The following ZFHX3 variants were observed in gnomAD, a reference collection of about 807,000 sequenced individuals.
ZFHX3 encodes zinc finger homeobox protein 3.
A neutral mutation model predicts 279.1 loss-of-function variants in ZFHX3; 42 were observed. The observed-to-expected ratio is 0.15, with a 90% CI of 0.12 to 0.19. The LOEUF (loss-of-function observed/expected upper bound fraction) is 0.19. Among genes scored for constraint, ZFHX3 ranks in the 10% least tolerant of loss-of-function variants. ZFHX3 has a pLI of 1.00. For missense variants in ZFHX3, 4,981 were observed against 4,754.0 expected (o/e 1.05, Z -1.40); for synonymous variants, 2,293 against 1,957.8 (o/e 1.17, Z -4.52).
chr16:72,784,789 A>T lies in ZFHX3; in HGVS notation c.*2375T>A, dbSNP rs1339290080. 1 of 152,540 alleles carries T rather than the reference A, an allele frequency of 6.6e-6. No individual in the cohort carries two copies. Among genetic ancestry groups the T allele is most frequent in the African/African-American group, 2.4e-5 (1 of 41,448 alleles). The allele number at this position is 152,540 out of a possible 1,614,324, so 9.4% of individuals were successfully genotyped here. ...ATTCTTTCTTTAGTATTTCTACTTA[A>T]AAAAAACAATTAAAAAAGGAATTTG... is the stretch of plus-strand genomic sequence containing the variant. On this transcript the variant is annotated 3_prime_UTR_variant, in exon 10 of 10. Transcript: ENST00000268489.
intron 2 of ZFHX3, chr16:73,499,760 T>TA (rs2019202749): frequency 6.6e-6 from 1 of 152,128 alleles, no homozygotes; most frequent in African/African-American, 2.4e-5. Flanking sequence ...TTTGTCTTTT[T>TA]AAAAATATAG....
chr16:73,507,488 T>A (rs2019348059), intron 2 of ZFHX3, among the ~76,000 whole-genome samples: 1 of 78,130 alleles, frequency 1.3e-5, no homozygotes, highest in Non-Finnish European at 2.3e-5. Context: ...TCTGCCACTT[T>A]TTTTTTTTTT....
intron 5 of ZFHX3, among the ~76,000 whole-genome samples, chr16:73,145,544 G>T (rs1966859329): frequency 6.6e-6 from 1 of 152,252 alleles, no homozygotes; most frequent in African/African-American, 2.4e-5. Flanking sequence ...GATTGTTGAT[G>T]GAGAGCCAGT....
At chr16:73,585,557 C>T (rs922327546) in intron 2 of ZFHX3, among the ~76,000 whole-genome samples, 1 of 152,080 alleles carries the variant, frequency 6.6e-6, no homozygotes, top group African/African-American at 2.4e-5. Context: ...ACATGTTTAC[C>T]TATGTAACAA....
At chr16:72,922,984 G>T (rs1048163345) in intron 3 of ZFHX3, among the ~76,000 whole-genome samples, 1 of 152,090 alleles carries the variant, frequency 6.6e-6, no homozygotes, top group African/African-American at 2.4e-5. Context: ...GAAATGATTA[G>T]TATCTAAGGC....
chr16:72,951,919 T>C (rs1961018850), intron 2 of ZFHX3, among the ~76,000 whole-genome samples: 1 of 152,162 alleles, frequency 6.6e-6, no homozygotes, highest in Non-Finnish European at 1.5e-5. Flanking sequence ...TGGTGGTGAG[T>C]GGCGCCTGGG....
intron 2 of ZFHX3, among the ~76,000 whole-genome samples, chr16:73,488,891 C>A (rs189394765): frequency 6.6e-6 from 1 of 152,282 alleles, no homozygotes; most frequent in East Asian, 1.9e-4. Context: ...TGACCCTGGG[C>A]AATTTATTTA....
At chr16:73,197,511 A>G (rs1968175714) in intron 5 of ZFHX3, among the ~76,000 whole-genome samples, 1 of 152,364 alleles carries the variant, frequency 6.6e-6, no homozygotes, top group Middle Eastern at 3.4e-3. Flanking sequence ...GTATATGCTC[A>G]TGCAAGGAGG....
At chr16:72,993,918 T>C (rs912011987) in intron 1 of ZFHX3, among the ~76,000 whole-genome samples, 1 of 152,152 alleles carries the variant, frequency 6.6e-6, no homozygotes, top group Admixed American at 6.6e-5. Flanking sequence ...AATCCAGTTA[T>C]AAAAACCAGG....
intron 1 of ZFHX3, among the ~76,000 whole-genome samples, chr16:73,853,372 A>G (rs535067700): frequency 3.9e-5 from 6 of 152,330 alleles, no homozygotes; most frequent in South Asian, 4.1e-4. Flanking sequence ...AGACACCTCT[A>G]TGTCACTACA....
At chr16:73,370,145 C>T (rs1353795038) in intron 3 of ZFHX3, among the ~76,000 whole-genome samples, 1 of 152,196 alleles carries the variant, frequency 6.6e-6, no homozygotes, top group Non-Finnish European at 1.5e-5. Context: ...GGATAAACCA[C>T]AGCAGCCTTT....
chr16:73,404,465 G>C (rs1258614572), intron 3 of ZFHX3, among the ~76,000 whole-genome samples: 1 of 152,148 alleles, frequency 6.6e-6, no homozygotes, highest in Non-Finnish European at 1.5e-5. Context: ...CTCCAAGTTC[G>C]TGCAGTGTTA....
intron 1 of ZFHX3, among the ~76,000 whole-genome samples, chr16:73,849,850 A>G (rs1961550564): frequency 6.6e-6 from 1 of 152,176 alleles, no homozygotes; most frequent in Non-Finnish European, 1.5e-5. Context: ...CTCCTGCCTC[A>G]GCCTCCCAAG....
At chr16:72,932,653 C>CAAAAAAAAAAAA (rs3079316) in intron 3 of ZFHX3, among the ~76,000 whole-genome samples, 1 of 103,266 alleles carries the variant, frequency 9.7e-6, no homozygotes. Flanking sequence ...TGCTCCGCAC[C>CAAAAAAAAAAAA]AAAAAAAAAA....
At chr16:73,332,637 T>C (rs967608538) in intron 3 of ZFHX3, among the ~76,000 whole-genome samples, 1 of 152,264 alleles carries the variant, frequency 6.6e-6, no homozygotes, top group Non-Finnish European at 1.5e-5. Context: ...GAATATTAAC[T>C]GTATCGGATA....
intron 2 of ZFHX3, among the ~76,000 whole-genome samples, chr16:72,955,303 G>T (rs966283648): frequency 2.6e-5 from 4 of 152,180 alleles, no homozygotes; most frequent in African/African-American, 9.7e-5. Context: ...TAAGAAATAT[G>T]GTGTGGCCCT....
In ZFHX3 at chr16:73,743,655, C is replaced by CTA. The variant is rs781309377; in HGVS notation, c.-1607-63417_-1607-63416dup. 4.8e-3 allele frequency among the ~76,000 whole-genome samples: 723 copies of CTA among 151,632 alleles called. 1 individual carries two copies. Among genetic ancestry groups the CTA allele is most frequent in the East Asian group, 0.011 (56 of 5,172 alleles). ...AAATGCATACATACACAGGTAACTC[C>CTA]TACATATATATATACAAGAAAAAGA... On this transcript the variant is annotated intron_variant, in intron 1 of 17. Coordinates refer to the ZFHX3 transcript ENST00000641206.
chr16:73,318,610 C>T (rs915382615), intron 3 of ZFHX3, among the ~76,000 whole-genome samples: 8 of 152,034 alleles, frequency 5.3e-5, no homozygotes, highest in Admixed American at 3.3e-4. Flanking sequence ...CTAGTCCATC[C>T]TGCTGCCGAC....
chr16:73,286,665 CTGTG>C (rs1292921879), intron 4 of ZFHX3, among the ~76,000 whole-genome samples: 10 of 141,644 alleles, frequency 7.1e-5, no homozygotes, highest in African/African-American at 2.4e-4. Context: ...TTGTGTGTGG[CTGTG>C]TGGATGTGTG....
Sources: allele counts gnomAD v4.1 joint callset (sites outside exome capture counted in the v4.1 genomes callset), GRCh38; gene constraint gnomAD v4.1.1; transcripts MANE v1.5; gene names NCBI Gene and HGNC (gene_info 2026-07-23, HGNC 2026-07-21).